ADAM28: variants seen among roughly 807,000 people sequenced by gnomAD.
The protein encoded by ADAM28 is ADAM metallopeptidase domain 28, also known as disintegrin and metalloproteinase domain-containing protein 28.
In ADAM28, 105 loss-of-function variants were observed where a neutral mutation model predicts 101.2. That is an observed-to-expected ratio of 1.04 (90% confidence interval 0.89 to 1.22). ADAM28 has a LOEUF of 1.22. ADAM28 is among the 50% of genes most tolerant of loss of function. ADAM28 has a pLI of 0.00. For synonymous variants in ADAM28, 322 were observed against 310.6 expected (o/e 1.04, Z -0.39); for missense variants, 1,028 against 945.4 (o/e 1.09, Z -1.15).
At chr8:24,315,699 C>T (rs1014831847) in intron 6 of ADAM28, among the ~76,000 whole-genome samples, 22 of 151,866 alleles carry the variant, frequency 1.4e-4, no homozygotes, top group South Asian at 6.2e-4. Flanking sequence ...AAGACAAAGA[C>T]GCCAAAGAAA....
rs1333045255 is a variant in ADAM28 at position 24,310,120 on chromosome 8, A to G, written c.228-43A>G. The G allele has an allele frequency of 1.9e-6, 3 of 1,597,160 alleles. No individual in the cohort carries two copies. The African/African-American group carries it at 4.0e-5, about 21-fold the overall frequency. On this transcript the variant is annotated intron_variant, in intron 3 of 22. Transcript: ENST00000265769. Reference sequence around the variant, plus strand: ...CTTGAGAATTTCCATGGACTTAGCAATCAGCACAAGTAACCACAACATTTT... The same window carrying G: ...CTTGAGAATTTCCATGGACTTAGCAGTCAGCACAAGTAACCACAACATTTT...
At chr8:24,332,821 A>C (rs1031310915) in intron 13 of ADAM28, 72 bp downstream of exon 13, 4 of 802,286 alleles carry the variant, frequency 5.0e-6, no homozygotes, top group Non-Finnish European at 7.2e-6. Flanking sequence ...TGATTATGTT[A>C]ACTGAAATAA....
intron 2 of ADAM28, among the ~76,000 whole-genome samples, chr8:24,304,562 C>G (rs1410056949): frequency 2.0e-5 from 3 of 151,954 alleles, no homozygotes; most frequent in Non-Finnish European, 4.4e-5. Context: ...AATTTTAACT[C>G]CCTATTCAAG....
chr8:24,335,337 C>A (rs1024309125), intron 13 of ADAM28, 109 bp from the exon 14 acceptor site: 20 of 1,435,830 alleles, frequency 1.4e-5, no homozygotes, highest in Non-Finnish European at 1.6e-5. Flanking sequence ...ATGACACCTC[C>A]AACTACTATG....
intron 18 of ADAM28, among the ~76,000 whole-genome samples, chr8:24,348,057 A>G (rs1258932947): frequency 6.6e-6 from 1 of 152,022 alleles, no homozygotes; most frequent in African/African-American, 2.4e-5. Context: ...TAAATCCACA[A>G]TTATATAGTT....
chr8:24,354,394 C>G lies in ADAM28; in HGVS notation c.2318C>G (p.Pro773Arg). 1.2e-6 allele frequency: 2 copies of G among 1,600,416 alleles called. No homozygotes were observed. Among genetic ancestry groups the G allele is most frequent in the Non-Finnish European group, 1.7e-6 (2 of 1,173,214 alleles). ...TTATGTCTTTTTTAGGACTCAAATC[C>G]AAAAGCATGAAGCAACAGCTAAGCA... ...NPVSTPKDSN[P>R]KA The change falls in exon 23 of 23, where the codon CCA (proline) becomes CGA (arginine). Residue 773 changes from proline to arginine, a missense_variant. Transcript: ENST00000265769.
chr8:24,329,975 A>G lies in ADAM28; in HGVS notation c.973-10A>G. 1 of 1,598,924 alleles carries G rather than the reference A, an allele frequency of 6.3e-7. No individual in the cohort carries two copies. Among genetic ancestry groups the G allele is most frequent in the East Asian group, 2.2e-5 (1 of 44,626 alleles). On this transcript the variant is annotated splice_polypyrimidine_tract_variant and intron_variant, in intron 10 of 22. Transcript: ENST00000265769. ...AATCAGAGAATCTTTTTCTTCTTTC[A>G]TACCTTTAGGACCACAGCGATAATC...
intron 14 of ADAM28, among the ~76,000 whole-genome samples, chr8:24,337,103 T>C (rs527938641): frequency 1.3e-5 from 2 of 152,338 alleles, no homozygotes; most frequent in East Asian, 3.9e-4. Context: ...AAAACCTCCC[T>C]GTAAACTTCT....
intron 19 of ADAM28, among the ~76,000 whole-genome samples, chr8:24,350,707 A>G (rs1417658527): frequency 6.6e-6 from 1 of 152,168 alleles, no homozygotes; most frequent in Non-Finnish European, 1.5e-5. Context: ...GAAATGTTTT[A>G]TGCTAACCCT....
chr8:24,300,040 C>T lies in ADAM28; in HGVS notation c.113C>T (p.Pro38Leu), dbSNP rs762958280. The change falls in exon 2 of 23, where the codon CCA (proline) becomes CTA (leucine). Residue 38 changes from proline (P) to leucine (L), a missense_variant. By Grantham distance (98) the Pro-to-Leu change is moderately conservative. Coordinates refer to ENST00000265769, the MANE Select transcript of ADAM28 (RefSeq NM_014265.6). ...YEVVYPIRLH[P>L]LHKREAKEPE... ...GTGGTTTATCCTATAAGACTTCATC[C>T]ACTGCATAAAAGAGAGGCCAAAGAG... The T allele has an allele frequency of 5.0e-6, 8 of 1,613,666 alleles. No individual in the cohort carries two copies. The highest frequency in any genetic ancestry group is 5.9e-6 in the Non-Finnish European group (7 of 1,179,954).
intron 6 of ADAM28, among the ~76,000 whole-genome samples, chr8:24,314,661 C>T (rs1030757043): frequency 2.0e-5 from 3 of 151,908 alleles, no homozygotes; most frequent in Non-Finnish European, 2.9e-5. Flanking sequence ...ACCCAGAATA[C>T]TCCAATATTT....
intron 18 of ADAM28, among the ~76,000 whole-genome samples, chr8:24,347,866 C>T (rs1003095167): frequency 2.6e-5 from 4 of 151,996 alleles, no homozygotes; most frequent in Non-Finnish European, 5.9e-5. Flanking sequence ...CCTGAAATAA[C>T]ATTTTTCCAT....
Position 24,349,950 on chromosome 8 carries a change from G to GAAAA in ADAM28, c.2078_2081dup (p.Gln695LysfsTer43). The GAAAA allele has an allele frequency of 6.2e-7, 1 of 1,613,602 alleles. No individual in the cohort carries two copies. Among genetic ancestry groups the GAAAA allele is most frequent in the South Asian group, 1.1e-5 (1 of 91,068 alleles). ...GGTAATCCGGCACCAGAGCTCCAGAGAAAAGCAGAAGAAAGATCAGAGGTG... is the reference window on the plus strand; with the variant it reads ...GGTAATCCGGCACCAGAGCTCCAGAGAAAAAAAAGCAGAAGAAAGATCAGAGGTG... On this transcript the variant is annotated frameshift_variant, in exon 19 of 23. Transcript: ENST00000265769. LOFTEE classifies it high-confidence loss of function.
intron 13 of ADAM28, 110 bp from the exon 14 acceptor site, chr8:24,335,336 C>T: frequency 7.0e-7 from 1 of 1,437,166 alleles, no homozygotes; most frequent in Non-Finnish European, 9.1e-7. Context: ...AATGACACCT[C>T]CAACTACTAT....
At chr8:24,323,752 A>T in intron 8 of ADAM28, 82 bp from the exon 9 acceptor site, 3 of 1,382,548 alleles carry the variant, frequency 2.2e-6, no homozygotes, top group Non-Finnish European at 9.8e-7. Flanking sequence ...ATGAATGTTT[A>T]AAAATACAAA....
Position 24,330,068 on chromosome 8 carries a change from T to C in ADAM28, c.1056T>C (p.Tyr352=). 6.2e-7 allele frequency: 1 copy of C among 1,613,694 alleles called. No homozygotes were observed. Among genetic ancestry groups the C allele is most frequent in the Non-Finnish European group, 8.5e-7 (1 of 1,179,766 alleles). ...ACTTTGGAATGTTTCATGACGACTA[T>C]TCTTGCAAGTGTCCTTCTACAATAT... ...GHNFGMFHDD[Y]SCKCPSTICV... is the part of the protein sequence containing the mutation. Residue 352 remains tyrosine (Y), a synonymous_variant, in exon 11 of 23, where the codon TAT becomes TAC. Transcript: ENST00000265769.
intron 18 of ADAM28, 140 bp downstream of exon 18, chr8:24,343,724 C>A: frequency 1.4e-6 from 1 of 719,150 alleles, no homozygotes; most frequent in Non-Finnish European, 2.3e-6. Flanking sequence ...CAATATTTAT[C>A]CCCCAAATCT....
chr8:24,321,208 T>A lies in ADAM28; in HGVS notation c.649-10T>A. ...TCAATGCCCATATTCTTTCTTAATT[T>A]TTCTTTTAGTTTAAAAGGTACAATG... On this transcript the variant is annotated splice_polypyrimidine_tract_variant and intron_variant, in intron 7 of 22. Coordinates refer to ENST00000265769, the MANE Select transcript of ADAM28 (RefSeq NM_014265.6). 1 of 1,568,742 alleles carries A rather than the reference T, an allele frequency of 6.4e-7. No individual in the cohort carries two copies. The highest frequency in any genetic ancestry group is 8.8e-7 in the Non-Finnish European group (1 of 1,140,342).
chr8:24,352,140 T>C (rs1816233209), intron 21 of ADAM28, 88 bp downstream of exon 21: 1 of 1,116,194 alleles, frequency 9.0e-7, no homozygotes, highest in Admixed American at 1.9e-5. Flanking sequence ...CTTCATTATT[T>C]CTTCAGGACA....
Sources: gnomAD v4.1 joint callset for allele counts (sites outside exome capture counted in the v4.1 genomes callset) on GRCh38, gnomAD v4.1.1 for gene constraint, MANE v1.5 for transcripts, NCBI Gene and HGNC (gene_info 2026-07-23, HGNC 2026-07-21) for gene names.